Variants in GRIN2B observed in about 807,000 individuals in gnomAD.
The protein encoded by GRIN2B is glutamate receptor ionotropic, NMDA 2B.
GRIN2B carries 5 observed loss-of-function variants against 114.5 expected under a neutral mutation model. The ratio of observed to expected loss-of-function variants is 0.04; its 90% CI spans 0.02 to 0.09. The LOEUF (loss-of-function observed/expected upper bound fraction) is 0.09, where lower values mean the gene tolerates loss of function less well. Ranked by LOEUF, GRIN2B falls within the 10% of genes least tolerant of loss-of-function variation. GRIN2B has a pLI of 1.00. For missense variants in GRIN2B, 1,108 were observed against 1,943.5 expected (o/e 0.57, Z 8.08); for synonymous variants, 787 against 745.1 (o/e 1.06, Z -0.92).
chr12:13,939,543 CTTTTTTTTTT>C (rs59671145), intron 2 of GRIN2B, among the ~76,000 whole-genome samples: 1 of 88,044 alleles, frequency 1.1e-5, no homozygotes, highest in Non-Finnish European at 2.0e-5. Flanking sequence ...CTGCACCGTG[CTTTTTTTTTT>C]TTTTTTTTTT....
At chr12:13,626,504 C>A (rs1949568279) in intron 5 of GRIN2B, among the ~76,000 whole-genome samples, 1 of 152,080 alleles carries the variant, frequency 6.6e-6, no homozygotes, top group Non-Finnish European at 1.5e-5. Context: ...TAATGTTGGA[C>A]AATTCTGAAC....
intron 4 of GRIN2B, among the ~76,000 whole-genome samples, chr12:13,749,914 G>A (rs1444938638): frequency 6.6e-6 from 1 of 152,160 alleles, no homozygotes; most frequent in African/African-American, 2.4e-5. Context: ...GTATTTGGAT[G>A]GAGAGGAAGG....
intron 3 of GRIN2B, among the ~76,000 whole-genome samples, chr12:13,803,606 AAATC>A (rs1360880878): frequency 1.3e-5 from 2 of 152,192 alleles, no homozygotes; most frequent in African/African-American, 4.8e-5. Flanking sequence ...TTTTCCATAT[AAATC>A]AAACCAAAAT....
chr12:13,906,174 G>A (rs1249633268), intron 2 of GRIN2B, among the ~76,000 whole-genome samples: 1 of 152,122 alleles, frequency 6.6e-6, no homozygotes, highest in Non-Finnish European at 1.5e-5. Flanking sequence ...TTAGCAGAGG[G>A]TTGGGCTAAA....
rs964043313 is a variant in GRIN2B, at chr12:13,552,656, C to G, written c.*10127G>C. 6.7e-6 allele frequency: 1 copy of G among 149,296 alleles called. No individual in the cohort carries two copies. Among genetic ancestry groups the G allele is most frequent in the Non-Finnish European group, 1.5e-5 (1 of 67,138 alleles). 9.2% of individuals were successfully genotyped at this position (149,296 alleles called of 1,614,324 possible). On this transcript the variant is annotated 3_prime_UTR_variant, in exon 14 of 14. Transcript: ENST00000609686. ...CTGTTTACCAGATAATTTGTTTCAT[C>G]AGCTAAAAAAAAAAGTCTCATAGTA...
chr12:13,869,230 T>C (rs915113958), intron 2 of GRIN2B, among the ~76,000 whole-genome samples: 2 of 140,022 alleles, frequency 1.4e-5, no homozygotes, highest in Non-Finnish European at 3.1e-5. Context: ...TTTTTCTTTT[T>C]CTTTTTTTTT....
chr12:13,728,167 C>T lies in GRIN2B; in HGVS notation c.1010+25150G>A, dbSNP rs1863024080. 2.6e-5 allele frequency among the ~76,000 whole-genome samples: 4 copies of T among 152,150 alleles called. No individual in the cohort carries two copies. In the South Asian group the frequency reaches 8.3e-4, roughly 32 times the overall value. ...GGTGGTTGAATAATGAATGAATGCA[C>T]GATTTTATGACCTCCTCAGATTGCA... On this transcript the variant is annotated intron_variant, in intron 4 of 13. Coordinates refer to ENST00000609686, the MANE Select transcript of GRIN2B (RefSeq NM_000834.5).
At position 13,724,660 on chromosome 12, in the gene GRIN2B, T is replaced by C. The variant is rs968448492; in HGVS notation, c.1010+28657A>G. ...TCCTAAGATGCATTTCTGAAGGCTC[T>C]CCTAGGATGCCCTTGTGGGATCCAG... On this transcript the variant is annotated intron_variant, in intron 4 of 13. Coordinates refer to ENST00000609686, the MANE Select transcript of GRIN2B (RefSeq NM_000834.5). Among the ~76,000 whole-genome samples the C allele has an allele frequency of 7.9e-5, 12 of 152,028 alleles. 1 individual carries two copies. The highest frequency in any genetic ancestry group is 2.9e-4 in the African/African-American group (12 of 41,418).
chr12:13,651,807 G>A (rs774862611), intron 5 of GRIN2B, among the ~76,000 whole-genome samples: 1 of 152,048 alleles, frequency 6.6e-6, no homozygotes, highest in African/African-American at 2.4e-5. Flanking sequence ...ACAGATCCAC[G>A]TTTCTCTGAC....
At chr12:13,933,567 A>G (rs1239298952) in intron 2 of GRIN2B, among the ~76,000 whole-genome samples, 1 of 152,120 alleles carries the variant, frequency 6.6e-6, no homozygotes, top group Non-Finnish European at 1.5e-5. Context: ...CCCACTAGCC[A>G]TTCCCTAGGA....
In GRIN2B at chr12:13,911,990, G is replaced by A. The variant is rs922129744; in HGVS notation, c.-18-45764C>T. The stretch of plus-strand genomic sequence containing the variant: ...GAAAGCAGCCACACTCGGGGCCAGG[G>A]AATGAGTGACTAGTGCGCACAAATT... On this transcript the variant is annotated intron_variant, in intron 2 of 13. Transcript: ENST00000609686. Among the ~76,000 whole-genome samples, 3 of 152,156 alleles carry A rather than the reference G, an allele frequency of 2.0e-5. No homozygotes were observed. The East Asian group carries it at 5.8e-4, about 29-fold the overall frequency.
chr12:13,641,433 C>T (rs1286843003), intron 5 of GRIN2B, among the ~76,000 whole-genome samples: 2 of 152,154 alleles, frequency 1.3e-5, no homozygotes, highest in African/African-American at 4.8e-5. Flanking sequence ...CTCAGCCTGA[C>T]TTGCCATTTC....
chr12:13,919,016 C>T (rs1251988835), intron 2 of GRIN2B, among the ~76,000 whole-genome samples: 4 of 152,200 alleles, frequency 2.6e-5, no homozygotes, highest in Admixed American at 6.5e-5. Context: ...AGACTTCTAA[C>T]TCCAGCTAAG....
chr12:13,937,420 T>C (rs1156602048), intron 2 of GRIN2B, among the ~76,000 whole-genome samples: 1 of 149,610 alleles, frequency 6.7e-6, no homozygotes, highest in Non-Finnish European at 1.5e-5. Context: ...GAAAGAAAAA[T>C]AAATTAAGTA....
chr12:13,927,117 C>A (rs560473383), intron 2 of GRIN2B, among the ~76,000 whole-genome samples: 2 of 152,222 alleles, frequency 1.3e-5, no homozygotes, highest in Admixed American at 1.3e-4. Flanking sequence ...CACCCAACAT[C>A]TCAGCCTGAA....
chr12:13,616,731 G>A (rs553593876), intron 5 of GRIN2B, 74 bp from the exon 6 acceptor site: 19 of 1,124,902 alleles, frequency 1.7e-5, no homozygotes, highest in African/African-American at 1.1e-4. Context: ...AGTATTGTCT[G>A]AACAATCCCA....
At chr12:13,625,712 C>G (rs999301297) in intron 5 of GRIN2B, among the ~76,000 whole-genome samples, 1 of 152,068 alleles carries the variant, frequency 6.6e-6, no homozygotes, top group South Asian at 2.1e-4. Context: ...AACATCAGGG[C>G]GAACTCTATG....
At chr12:13,859,444 A>C (rs1865717382) in intron 3 of GRIN2B, among the ~76,000 whole-genome samples, 1 of 152,238 alleles carries the variant, frequency 6.6e-6, no homozygotes, top group Middle Eastern at 3.2e-3. Context: ...AACAAGAAAC[A>C]CATTTCACAG....
chr12:13,737,272 C>T (rs563328652), intron 4 of GRIN2B, among the ~76,000 whole-genome samples: 12 of 151,328 alleles, frequency 7.9e-5, no homozygotes, highest in African/African-American at 2.2e-4. Context: ...AGTGCAGTGG[C>T]GCTATCTCGG....
Sources: allele counts gnomAD v4.1 joint callset (sites outside exome capture counted in the v4.1 genomes callset), GRCh38; gene constraint gnomAD v4.1.1; transcripts MANE v1.5; gene names NCBI Gene and HGNC (gene_info 2026-07-23, HGNC 2026-07-21).